Variants in TTN observed in about 807,000 individuals in gnomAD.
TTN encodes connectin.
Under a neutral mutation model 3,223.0 loss-of-function variants are expected in TTN, and 1,525 were observed. The observed-to-expected ratio is 0.47, with a 90% CI of 0.45 to 0.49. The LOEUF is 0.49. Ranked by LOEUF, TTN falls within the 20% of genes least tolerant of loss-of-function variation. The probability of loss-of-function intolerance (pLI) is 0.00; values close to 1 mark genes in which losing one functional copy is unlikely to be tolerated. For missense variants in TTN, 40,786 were observed against 43,424.0 expected, an observed-to-expected ratio of 0.94 and a Z score of 5.40; for synonymous variants, 14,094 against 15,161.0, an observed-to-expected ratio of 0.93 and a Z score of 5.17.
chr2:178,529,997 A>C lies in TTN; in HGVS notation c.106494T>G (p.Ala35498=). 6.2e-7 allele frequency: 1 copy of C among 1,603,242 alleles called. No individual in the cohort carries two copies. Among genetic ancestry groups the C allele is most frequent in the Non-Finnish European group, 8.5e-7 (1 of 1,177,472 alleles). The change falls in exon 359 of 363, where the codon GCT becomes GCG. Residue 35498 remains alanine, a synonymous_variant. Transcript: ENST00000589042. ...ATTTGCAGCTAGAGGACACAGATCCAGCTGAATTTTTTACTGTACAAGTAT... is the reference window on the plus strand; with the variant it reads ...ATTTGCAGCTAGAGGACACAGATCCCGCTGAATTTTTTACTGTACAAGTAT... The part of the protein sequence containing the change: ...GLYTCTVKNS[A]GSVSSSCKLT...
chr2:178,691,627 C>G (rs1223493766), intron 121 of TTN, among the ~76,000 whole-genome samples: 1 of 152,154 alleles, frequency 6.6e-6, no homozygotes, highest in Non-Finnish European at 1.5e-5. Context: ...TTGCCTGTCT[C>G]CACCTCTTCA....
intron 169 of TTN, 30 bp from the exon 170 acceptor site, chr2:178,663,932 G>C: frequency 6.8e-6 from 11 of 1,612,714 alleles, no homozygotes; most frequent in Non-Finnish European, 9.3e-6. Context: ...ATTACATTTA[G>C]GTGTTATGAA....
rs1161044987 is a variant in TTN at position 178,551,110 on chromosome 2, G to A, written c.91421C>T (p.Thr30474Ile). ...GNERWVRCNFTDVSECQYTVT... is the reference protein window; with the variant it reads ...GNERWVRCNFIDVSECQYTVT... ...TGTGTACTGACATTCACTGACGTCA[G>A]TAAAGTTGCATCTCACCCAGCGTTC... Residue 30474 changes from threonine (T) to isoleucine (I), a missense_variant, in exon 336 of 363, where the codon ACT becomes ATT. Physicochemically the swap from Thr to Ile is moderately conservative, Grantham distance 89. Transcript: ENST00000589042. 6.2e-7 allele frequency: 1 copy of A among 1,613,468 alleles called. No individual in the cohort carries two copies. The highest frequency in any genetic ancestry group is 1.3e-5 in the African/African-American group (1 of 75,006).
chr2:178,795,909 C>T (rs1218768770), intron 6 of TTN, among the ~76,000 whole-genome samples: 3 of 152,156 alleles, frequency 2.0e-5, no homozygotes, highest in African/African-American at 7.2e-5. Flanking sequence ...CTTTTAATTT[C>T]CTCCATATTT....
rs377240802 is a variant in TTN at position 178,793,554 on chromosome 2, G to A, written c.1399-13C>T. The A allele has an allele frequency of 1.4e-5, 22 of 1,612,976 alleles. No homozygotes were observed. The African/African-American group carries it at 2.5e-4, about 19-fold the overall frequency. Reference sequence around the variant, plus strand: ...CTTCCTTTCTTACCTGCTTTTCATAGAGAAAGGAAGAAAACACCTTAATGC... The same window carrying A: ...CTTCCTTTCTTACCTGCTTTTCATAAAGAAAGGAAGAAAACACCTTAATGC... On this transcript the variant is annotated splice_polypyrimidine_tract_variant and intron_variant, in intron 8 of 362. Coordinates refer to ENST00000589042, the MANE Select transcript of TTN (RefSeq NM_001267550.2).
At chr2:178,778,495 C>T (rs896180616) in intron 24 of TTN, 9 of 322,712 alleles carry the variant, frequency 2.8e-5, no homozygotes, top group African/African-American at 1.7e-4. Context: ...CCACCGCTTA[C>T]AGGCTGGATG....
Position 178,567,190 on chromosome 2 carries a change from A to G in TTN, c.78942T>C (p.Asp26314=), listed in dbSNP as rs560223850. 204 of 1,613,178 alleles carry G rather than the reference A, an allele frequency of 1.3e-4. 1 individual carries two copies. The South Asian group carries it at 2.1e-3, about 17-fold the overall frequency. ...CSLTWSPPLQ[D]GGSDISHYVV... ...CATAGTGAGAAATGTCACTGCCACC[A>G]TCTTGAAGTGGTGGAGACCATGTTA... Residue 26314 remains aspartate, a synonymous_variant, in exon 326 of 363, where the codon GAT becomes GAC. Transcript: ENST00000589042.
In TTN at chr2:178,669,638, T is replaced by A. The variant is rs751296516; in HGVS notation, c.35424A>T (p.Lys11808Asn). ...EVPKKIVPEE[K>N]VREAVLKKPE... is the part of the protein sequence containing the mutation. ...GCTTTTTCAGAACAGCTTCACGAAC[T>A]TTTTCTTCTGGGACAATTTTCTTGG... Residue 11808 changes from lysine to asparagine, a missense_variant, in exon 158 of 363, where the codon AAA (lysine) becomes AAT (asparagine). Physicochemically the swap from Lys to Asn is moderately conservative, Grantham distance 94. Coordinates refer to ENST00000589042, the MANE Select transcript of TTN (RefSeq NM_001267550.2). The A allele has an allele frequency of 6.2e-6, 10 of 1,612,462 alleles. No individual in the cohort carries two copies. The highest frequency in any genetic ancestry group is 8.5e-6 in the Non-Finnish European group (10 of 1,179,642).
chr2:178,720,954 C>T lies in TTN; in HGVS notation c.23065G>A (p.Asp7689Asn), dbSNP rs727505052. Residue 7689 changes from aspartate to asparagine, a missense_variant, in exon 79 of 363, where the codon GAC becomes AAC. By Grantham distance (23) the Asp-to-Asn change is conservative (BLOSUM62 1). Coordinates refer to ENST00000589042, the MANE Select transcript of TTN (RefSeq NM_001267550.2). ...GTCAACGCTGTGCTGCAGCTGGCGT[C>T]ACCAACACCATTATGAGCCTCACAA... is the stretch of plus-strand genomic sequence containing the variant. ...YICEAHNGVGDASCSTALTVK... is the reference protein window; with the variant it reads ...YICEAHNGVGNASCSTALTVK... 1.9e-5 allele frequency: 31 copies of T among 1,600,794 alleles called. No homozygotes were observed. The highest frequency in any genetic ancestry group is 1.1e-4 in the East Asian group (5 of 44,512).
At position 178,550,090 on chromosome 2, in the gene TTN, C is replaced by G; in HGVS notation, c.91748G>C (p.Ser30583Thr). Residue 30583 changes from serine (S) to threonine (T), a missense_variant, in exon 337 of 363, where the codon AGC (serine) becomes ACC (threonine). Physicochemically the swap from Ser to Thr is moderately conservative, Grantham distance 58 (BLOSUM62 1). Transcript: ENST00000589042. ...CCGAGTAGCATCTCTAACAAATAGG[C>G]TGGTGGATCCAAGTACGTCGGTTAT... ...MEITDVLGSTSLFVRDATRDH... is the reference protein window; with the variant it reads ...MEITDVLGSTTLFVRDATRDH... 6.2e-7 allele frequency: 1 copy of G among 1,613,776 alleles called. No homozygotes were observed. Among genetic ancestry groups the G allele is most frequent in the Non-Finnish European group, 8.5e-7 (1 of 1,179,768 alleles).
chr2:178,555,205 A>C, intron 330 of TTN, 53 bp from the exon 331 acceptor site: 1 of 1,540,198 alleles, frequency 6.5e-7, no homozygotes, highest in Non-Finnish European at 8.8e-7. Context: ...ATGGAAAAAA[A>C]AATAGTTGCA....
Position 178,599,048 on chromosome 2 carries a change from G to A in TTN, c.56662C>T (p.Pro18888Ser), listed in dbSNP as rs755206756. 1.3e-6 allele frequency: 2 copies of A among 1,562,270 alleles called. No homozygotes were observed. The highest frequency in any genetic ancestry group is 4.0e-5 in the Admixed American group (2 of 50,180). Reference protein sequence around the residue: ...ARNLFSVPGAPDKPTVSSVTR... With the variant: ...ARNLFSVPGASDKPTVSSVTR... ...ACGCTGCTAACTGTTGGTTTATCTG[G>A]TGCTCCAGGGACAGCTGTGAAAAAG... Residue 18888 changes from proline (P) to serine (S), a missense_variant, in exon 291 of 363, where the codon CCA becomes TCA. Physicochemically the swap from Pro to Ser is moderately conservative, Grantham distance 74. Coordinates refer to ENST00000589042, the MANE Select transcript of TTN (RefSeq NM_001267550.2).
chr2:178,549,506 A>G, intron 338 of TTN, 33 bp from the exon 339 acceptor site: 6 of 1,592,802 alleles, frequency 3.8e-6, no homozygotes, highest in Non-Finnish European at 5.1e-6. Flanking sequence ...CAAATCAATT[A>G]GATGCATTTG....
chr2:178,682,736 C>A lies in TTN; in HGVS notation c.33055G>T (p.Glu11019Ter), dbSNP rs1372770028. 1.2e-6 allele frequency: 2 copies of A among 1,612,836 alleles called. No homozygotes were observed. The highest frequency in any genetic ancestry group is 1.7e-6 in the Non-Finnish European group (2 of 1,179,160). The change falls in exon 135 of 363, where the codon GAG (glutamate) becomes TAG (stop). Residue 11019 changes from glutamate (E) to a stop codon, truncating the protein, a stop_gained. Coordinates refer to ENST00000589042, the MANE Select transcript of TTN (RefSeq NM_001267550.2). LOFTEE classifies it high-confidence loss of function. ...TCATGCTCTTCATATCGTTCATACT[C>A]CCGCTCCTCGTATTCTTCATATTGG... ...YDQYEEYEER[E>*]YERYEEHEEY...
chr2:178,779,150 A>C (rs2092535624), intron 23 of TTN, 32 bp from the exon 24 acceptor site: 1 of 1,613,050 alleles, frequency 6.2e-7, no homozygotes, highest in African/African-American at 1.3e-5. Context: ...TATGAATAAA[A>C]TTTACATCAA....
In TTN at chr2:178,680,303, T is replaced by C. The variant is rs1193994249; in HGVS notation, c.33369A>G (p.Ala11123=). The C allele has an allele frequency of 6.2e-7, 1 of 1,612,086 alleles. No individual in the cohort carries two copies. Among genetic ancestry groups the C allele is most frequent in the South Asian group, 1.1e-5 (1 of 90,636 alleles). ...KVPMKPKRVV[A]EEKVPVPRKE... ...TTCTAGGGACAGGTACTTTTTCTTC[T>C]GCGACAACCCTCTTGGGCTTCATGG... Residue 11123 remains alanine, a synonymous_variant, in exon 139 of 363, where the codon GCA becomes GCG. Coordinates refer to ENST00000589042, the MANE Select transcript of TTN (RefSeq NM_001267550.2).
At position 178,608,101 on chromosome 2, in the gene TTN, A is replaced by G. The variant is rs2154197335; in HGVS notation, c.52706-20T>C. 1 of 1,609,058 alleles carries G rather than the reference A, an allele frequency of 6.2e-7. No homozygotes were observed. Among genetic ancestry groups the G allele is most frequent in the Middle Eastern group, 1.7e-4 (1 of 6,040 alleles). ...GAGGAGCTAGAATGAATGAAGATAG[A>G]CAAATCAAACTCCCTGATGGTTTTA... is the stretch of plus-strand genomic sequence containing the variant. On this transcript the variant is annotated intron_variant, in intron 275 of 362. Transcript: ENST00000589042.
chr2:178,697,158 C>A lies in TTN; in HGVS notation c.30765G>T (p.Lys10255Asn). 1 of 1,543,384 alleles carries A rather than the reference C, an allele frequency of 6.5e-7. No homozygotes were observed. The highest frequency in any genetic ancestry group is 8.7e-7 in the Non-Finnish European group (1 of 1,145,290). ...TTAAGGTAGTAGGAGGTGGAGGCTT[C>A]TTGACAATCTCTGGGAGTTTAAAAA... ...KEMTPREEIVKKPPPPTTLIP... is the reference protein window; with the variant it reads ...KEMTPREEIVNKPPPPTTLIP... Residue 10255 changes from lysine to asparagine, a missense_variant, in exon 113 of 363, where the codon AAG (lysine) becomes AAT (asparagine). Lys to Asn is a moderately conservative substitution (Grantham distance 94, BLOSUM62 0). Transcript: ENST00000589042.
At chr2:178,601,216 T>C in intron 287 of TTN, 45 bp from the exon 288 acceptor site, 2 of 1,518,442 alleles carry the variant, frequency 1.3e-6, no homozygotes, top group Non-Finnish European at 1.8e-6. Context: ...TTTATAATAA[T>C]ATACTTCAAT....
Sources: gnomAD v4.1 joint callset for allele counts (sites outside exome capture counted in the v4.1 genomes callset) on GRCh38, gnomAD v4.1.1 for gene constraint, MANE v1.5 for transcripts, NCBI Gene and HGNC (gene_info 2026-07-23, HGNC 2026-07-21) for gene names.